The following CNTNAP2 variants were observed in gnomAD, a reference collection of about 807,000 sequenced individuals.
CNTNAP2 encodes the protein contactin associated protein 2.
CNTNAP2 carries 98 observed loss-of-function variants against 155.2 expected under a neutral mutation model. The observed-to-expected ratio is 0.63, with a 90% CI of 0.54 to 0.75. The LOEUF (loss-of-function observed/expected upper bound fraction) is 0.75, where lower values mean the gene tolerates loss of function less well. Among genes scored for constraint, CNTNAP2 ranks in the 30% least tolerant of loss-of-function variants. The probability of loss-of-function intolerance (pLI) is 0.00; values close to 1 mark genes in which losing one functional copy is unlikely to be tolerated. For synonymous variants in CNTNAP2, 651 were observed against 631.2 expected, an observed-to-expected ratio of 1.03 and a Z score of -0.47; for missense variants, 1,727 against 1,688.1, an observed-to-expected ratio of 1.02 and a Z score of -0.40.
At chr7:146,122,336 G>C (rs1346059958) in intron 1 of CNTNAP2, among the ~76,000 whole-genome samples, 2 of 152,122 alleles carry the variant, frequency 1.3e-5, no homozygotes, top group Admixed American at 1.3e-4. Flanking sequence ...TTTAATTTTA[G>C]AAATAAGGTT....
chr7:146,325,599 C>T (rs979122503), intron 1 of CNTNAP2, among the ~76,000 whole-genome samples: 5 of 151,592 alleles, frequency 3.3e-5, no homozygotes, highest in African/African-American at 1.2e-4. Context: ...CCCCCCTATA[C>T]ACACACACAC....
intron 1 of CNTNAP2, among the ~76,000 whole-genome samples, chr7:146,661,732 CT>C (rs34652048): frequency 3.8e-4 from 55 of 145,020 alleles, no homozygotes; most frequent in Admixed American, 6.9e-4. Flanking sequence ...TTCTTTCTTT[CT>C]TTTTTTTTTT....
chr7:147,080,374 A>G (rs767518252), intron 4 of CNTNAP2, among the ~76,000 whole-genome samples: 12 of 152,118 alleles, frequency 7.9e-5, no homozygotes, highest in Admixed American at 2.0e-4. Context: ...TCAACTTCGT[A>G]TCCAGACCCA....
chr7:146,713,924 A>T (rs573589893), intron 1 of CNTNAP2, among the ~76,000 whole-genome samples: 1 of 152,162 alleles, frequency 6.6e-6, no homozygotes, highest in Non-Finnish European at 1.5e-5. Context: ...AAATAAAATG[A>T]ACTAGCATAT....
intron 1 of CNTNAP2, among the ~76,000 whole-genome samples, chr7:146,167,378 A>G (rs1479998436): frequency 6.6e-6 from 1 of 152,244 alleles, no homozygotes; most frequent in Non-Finnish European, 1.5e-5. Flanking sequence ...AGATGGCCAC[A>G]ATACTTCAGC....
chr7:146,656,732 T>C (rs1484767457), intron 1 of CNTNAP2, among the ~76,000 whole-genome samples: 1 of 152,156 alleles, frequency 6.6e-6, no homozygotes, highest in Non-Finnish European at 1.5e-5. Flanking sequence ...TTTGGAAAAA[T>C]ATTCTTGAAA....
intron 20 of CNTNAP2, among the ~76,000 whole-genome samples, chr7:148,249,062 T>C (rs1428658833): frequency 6.6e-6 from 1 of 152,244 alleles, no homozygotes; most frequent in African/African-American, 2.4e-5. Flanking sequence ...AAAATTGGAT[T>C]GTTTGCCTTA....
intron 15 of CNTNAP2, among the ~76,000 whole-genome samples, chr7:148,102,746 C>A (rs1804128450): frequency 6.6e-6 from 1 of 152,190 alleles, no homozygotes; most frequent in East Asian, 1.9e-4. Context: ...CCCAGCCAGA[C>A]CCTCAGTGCA....
At chr7:146,759,620 G>C (rs543051822) in intron 1 of CNTNAP2, among the ~76,000 whole-genome samples, 1 of 144,060 alleles carries the variant, frequency 6.9e-6, no homozygotes, top group Non-Finnish European at 1.5e-5. Context: ...GCTTGAACCT[G>C]GGAGTCAGAG....
chr7:146,354,153 A>G (rs562926059), intron 1 of CNTNAP2, among the ~76,000 whole-genome samples: 1 of 152,256 alleles, frequency 6.6e-6, no homozygotes, highest in East Asian at 1.9e-4. Flanking sequence ...AGTCAGAGAA[A>G]TCTATTCTTG....
At chr7:147,444,803 G>A (rs994986544) in intron 10 of CNTNAP2, among the ~76,000 whole-genome samples, 3 of 152,108 alleles carry the variant, frequency 2.0e-5, no homozygotes, top group Non-Finnish European at 2.9e-5. Flanking sequence ...GTATTAGTCC[G>A]TTATCACACT....
chr7:146,596,595 C>CAGACAGAG (rs71165017), intron 1 of CNTNAP2, among the ~76,000 whole-genome samples: 2,381 of 105,032 alleles, frequency 0.023, 51 homozygotes, highest in Non-Finnish European at 0.033. Context: ...AGAAGGGAGA[C>CAGACAGAG]AGAGAGAGAG....
chr7:147,453,510 T>C (rs1797869192), intron 10 of CNTNAP2, among the ~76,000 whole-genome samples: 1 of 152,190 alleles, frequency 6.6e-6, no homozygotes, highest in Non-Finnish European at 1.5e-5. Flanking sequence ...CAGGAATTAT[T>C]CAATAATTCT....
rs190313868 is a variant in CNTNAP2, at chr7:147,348,565, C to T, written c.1499-47044C>T. ...TTGGTAGGAATGTAAGCTAGTACAG[C>T]CACTCCAGAAAAAAGTATGGAGGTC... On this transcript the variant is annotated intron_variant, in intron 9 of 23. Coordinates refer to ENST00000361727, the MANE Select transcript of CNTNAP2 (RefSeq NM_014141.6). Among the ~76,000 whole-genome samples, 144 of 151,932 alleles carry T rather than the reference C, an allele frequency of 9.5e-4. No homozygotes were observed. The Middle Eastern group carries it at 0.01, about 11-fold the overall frequency.
chr7:147,337,438 TTGCATTTCCAATGTATTC>T (rs1795684234), intron 9 of CNTNAP2, among the ~76,000 whole-genome samples: 1 of 152,180 alleles, frequency 6.6e-6, no homozygotes, highest in Admixed American at 6.5e-5. Flanking sequence ...GTCTTCAATG[TTGCATTTCCAATGTATTC>T]TACAGTTACT....
At chr7:147,641,018 T>G (rs1795266462) in intron 13 of CNTNAP2, among the ~76,000 whole-genome samples, 1 of 152,208 alleles carries the variant, frequency 6.6e-6, no homozygotes, top group South Asian at 2.1e-4. Context: ...GCGGCCATGT[T>G]GCCAGGCACA....
rs116132216 is a variant in CNTNAP2 at position 146,373,315 on chromosome 7, T to A, written c.97+256342T>A. ...CCTCGCCTTAAGCCAGAAACAAGAC[T>A]TCTAAGTATCTCCAGGCATTTGAGG... On this transcript the variant is annotated intron_variant, in intron 1 of 23. Transcript: ENST00000361727. Among the ~76,000 whole-genome samples, 1,412 of 152,054 alleles carry A rather than the reference T, an allele frequency of 9.3e-3. 22 individuals carry two copies. Among genetic ancestry groups the A allele is most frequent in the African/African-American group, 0.031 (1,295 of 41,476 alleles).
chr7:148,317,710 T>C (rs1797715149), intron 21 of CNTNAP2, among the ~76,000 whole-genome samples: 2 of 151,114 alleles, frequency 1.3e-5, no homozygotes, highest in African/African-American at 2.4e-5. Context: ...CTCATTTCTT[T>C]TTTTTTTTTA....
At chr7:147,882,641 G>A (rs982881544) in intron 13 of CNTNAP2, among the ~76,000 whole-genome samples, 28 of 152,168 alleles carry the variant, frequency 1.8e-4, no homozygotes, top group Non-Finnish European at 3.5e-4. Context: ...CTGTGACTAC[G>A]AGCCAGGCTT....
Sources: gnomAD v4.1 joint callset for allele counts (sites outside exome capture counted in the v4.1 genomes callset) on GRCh38, gnomAD v4.1.1 for gene constraint, MANE v1.5 for transcripts, NCBI Gene and HGNC (gene_info 2026-07-23, HGNC 2026-07-21) for gene names.